The following PIP5K1B variants were observed in gnomAD, a reference collection of about 807,000 sequenced individuals.
PIP5K1B encodes the protein phosphatidylinositol-4-phosphate 5-kinase type 1 beta.
PIP5K1B carries 42 observed loss-of-function variants against 67.0 expected under a neutral mutation model. The ratio of observed to expected loss-of-function variants is 0.63; its 90% CI spans 0.49 to 0.81. The LOEUF is 0.81. Ranked by LOEUF, PIP5K1B falls within the 30% of genes least tolerant of loss-of-function variation. The pLI is 0.00. For missense variants in PIP5K1B, 459 were observed against 646.3 expected (o/e 0.71, Z 3.14); for synonymous variants, 214 against 231.4 (o/e 0.92, Z 0.68).
At chr9:68,780,240 A>AGCGGCG (rs748999752) in intron 2 of PIP5K1B, 2 of 1,542,736 alleles carry the variant, frequency 1.3e-6, no homozygotes, top group Non-Finnish European at 1.7e-6. Flanking sequence ...GGGCGGTGGC[A>AGCGGCG]GCGGCGGCGG....
At chr9:68,925,102 A>ATC (rs1251921710) in intron 12 of PIP5K1B, among the ~76,000 whole-genome samples, 10 of 150,742 alleles carry the variant, frequency 6.6e-5, no homozygotes, top group Non-Finnish European at 1.5e-4. Flanking sequence ...ACACATTAAA[A>ATC]TTGTATGAGT....
chr9:68,918,426 T>A (rs1039722564), intron 9 of PIP5K1B, among the ~76,000 whole-genome samples: 2 of 152,154 alleles, frequency 1.3e-5, no homozygotes, highest in African/African-American at 4.8e-5. Context: ...ACAATAAGAA[T>A]GATGTTCGCA....
At chr9:68,943,004 GCAGGACCCA>G (rs1316274590) in intron 14 of PIP5K1B, among the ~76,000 whole-genome samples, 4 of 152,174 alleles carry the variant, frequency 2.6e-5, no homozygotes, top group African/African-American at 9.7e-5. Context: ...CAGCACTGTA[GCAGGACCCA>G]CAGTCAAGTT....
At chr9:68,999,588 C>T (rs930724610) in intron 15 of PIP5K1B, among the ~76,000 whole-genome samples, 2 of 152,170 alleles carry the variant, frequency 1.3e-5, no homozygotes, top group African/African-American at 4.8e-5. Flanking sequence ...CCTCTACACA[C>T]ACCAGAGCTG....
chr9:68,841,563 T>G (rs6560391), intron 4 of PIP5K1B, among the ~76,000 whole-genome samples: 53,016 of 152,032 alleles, frequency 0.35, 9,408 homozygotes, highest in East Asian at 0.5. Context: ...CCATCTTTCG[T>G]CCCACAGTTT....
chr9:68,952,323 G>A (rs1576586), intron 14 of PIP5K1B, among the ~76,000 whole-genome samples: 6,665 of 152,138 alleles, frequency 0.044, 157 homozygotes, highest in African/African-American at 0.065. Context: ...AGAAGTTTCC[G>A]CCAGACACTT....
At chr9:68,946,093 T>A (rs888664134) in intron 14 of PIP5K1B, among the ~76,000 whole-genome samples, 1 of 152,256 alleles carries the variant, frequency 6.6e-6, no homozygotes, top group African/African-American at 2.4e-5. Flanking sequence ...TTATTAGATA[T>A]GTTCCTGCTG....
At chr9:68,924,401 C>CAAAAAAAAAAAAAAAAA (rs71353093) in intron 12 of PIP5K1B, among the ~76,000 whole-genome samples, 4 of 86,764 alleles carry the variant, frequency 4.6e-5, no homozygotes, top group African/African-American at 9.4e-5. Flanking sequence ...CACTGCGCCT[C>CAAAAAAAAAAAAAAAAA]AAAAAAAAAA....
At chr9:68,725,203 A>C (rs1238906142) in intron 1 of PIP5K1B, among the ~76,000 whole-genome samples, 1 of 152,156 alleles carries the variant, frequency 6.6e-6, no homozygotes. Context: ...GGCATTTTGC[A>C]TACACTTGCA....
intron 4 of PIP5K1B, among the ~76,000 whole-genome samples, chr9:68,856,240 G>A (rs781413611): frequency 6.6e-6 from 1 of 152,012 alleles, no homozygotes; most frequent in Non-Finnish European, 1.5e-5. Context: ...TTGCTTTCAG[G>A]TCCCCGAACC....
At chr9:68,728,598 G>T (rs1828263724) in intron 1 of PIP5K1B, among the ~76,000 whole-genome samples, 1 of 152,146 alleles carries the variant, frequency 6.6e-6, no homozygotes, top group Admixed American at 6.5e-5. Flanking sequence ...AAGTAGAAGG[G>T]ATGAATAGTA....
At chr9:68,841,869 A>G (rs1821939785) in intron 4 of PIP5K1B, among the ~76,000 whole-genome samples, 2 of 152,238 alleles carry the variant, frequency 1.3e-5, no homozygotes. Context: ...TTAGAAACTT[A>G]GACTGTTAGA....
intron 1 of PIP5K1B, among the ~76,000 whole-genome samples, chr9:68,727,171 G>A (rs1828193816): frequency 1.3e-5 from 2 of 152,136 alleles, no homozygotes; most frequent in African/African-American, 4.8e-5. Flanking sequence ...GGCAGTGTGA[G>A]GAGAATCCTT....
At chr9:68,803,808 A>G (rs1320084563) in intron 2 of PIP5K1B, among the ~76,000 whole-genome samples, 3 of 152,194 alleles carry the variant, frequency 2.0e-5, no homozygotes. Context: ...GGGGTAGGCA[A>G]ATGACAGTGT....
intron 2 of PIP5K1B, among the ~76,000 whole-genome samples, chr9:68,749,313 G>A (rs183511867): frequency 1.7e-4 from 26 of 152,282 alleles, no homozygotes; most frequent in African/African-American, 5.8e-4. Flanking sequence ...TAGGCAGGGA[G>A]TGAAGTGATG....
At chr9:68,848,832 TA>T (rs951313834) in intron 4 of PIP5K1B, among the ~76,000 whole-genome samples, 8 of 152,208 alleles carry the variant, frequency 5.3e-5, no homozygotes, top group South Asian at 2.1e-4. Context: ...TGTATAACCA[TA>T]AAAAAATGAA....
At chr9:68,969,619 T>C (rs1829247612) in intron 14 of PIP5K1B, among the ~76,000 whole-genome samples, 1 of 152,100 alleles carries the variant, frequency 6.6e-6, no homozygotes. Context: ...AGAAAAATGC[T>C]CACCAGCCCA....
At chr9:68,728,822 C>T (rs550067081) in intron 1 of PIP5K1B, 4 of 152,282 alleles carry the variant, frequency 2.6e-5, no homozygotes, top group African/African-American at 9.6e-5. Context: ...ACGAGAACCT[C>T]CTGCCCTGTG....
chr9:68,739,036 G>C (rs963760359), intron 1 of PIP5K1B, among the ~76,000 whole-genome samples: 2 of 152,046 alleles, frequency 1.3e-5, no homozygotes, highest in Non-Finnish European at 2.9e-5. Flanking sequence ...TCCGTCAGCC[G>C]ACCCTGAACA....
Sources: allele counts gnomAD v4.1 joint callset (sites outside exome capture counted in the v4.1 genomes callset), GRCh38; gene constraint gnomAD v4.1.1; transcripts MANE v1.5; gene names NCBI Gene and HGNC (gene_info 2026-07-23, HGNC 2026-07-21).